CNKSR2: variants seen among roughly 807,000 people sequenced by gnomAD.
The protein encoded by CNKSR2 is CNK homolog protein 2.
Under a neutral mutation model 84.4 loss-of-function variants are expected in CNKSR2, and 14 were observed. The ratio of observed to expected loss-of-function variants is 0.17; its 90% CI spans 0.11 to 0.26. The LOEUF is 0.26. Ranked by LOEUF, CNKSR2 falls within the 10% of genes least tolerant of loss-of-function variation. CNKSR2 has a pLI of 1.00. For missense variants in CNKSR2, 485 were observed against 771.2 expected (o/e 0.63, Z 4.40); for synonymous variants, 275 against 277.9 (o/e 0.99, Z 0.10).
intron 13 of CNKSR2, among the ~76,000 whole-genome samples, chrX:21,576,375 G>A (rs975611681): frequency 9.0e-6 from 1 of 111,503 alleles, no homozygotes; most frequent in African/African-American, 3.3e-5. Context: ...AAAATAAAAA[G>A]CATATGCTTA....
At position 21,411,297 on chromosome X, in the gene CNKSR2, C is replaced by T. The variant is rs140123826; in HGVS notation, c.65-15200C>T. Among the ~76,000 whole-genome samples, 575 of 110,688 alleles carry T rather than the reference C, an allele frequency of 5.2e-3. 4 individuals are homozygous for T. Among genetic ancestry groups the T allele is most frequent in the African/African-American group, 0.018 (557 of 30,451 alleles). ...TAGATCTTTTCCTTAACTTCCCTTA[C>T]TAAGAGGAGAGTAAGAGGAATTTTA... On this transcript the variant is annotated intron_variant, in intron 1 of 21. Coordinates refer to ENST00000379510, the MANE Select transcript of CNKSR2 (RefSeq NM_014927.5).
chrX:21,588,642 A>G (rs1354804724), intron 13 of CNKSR2, among the ~76,000 whole-genome samples: 2 of 111,938 alleles, frequency 1.8e-5, no homozygotes, highest in Admixed American at 1.9e-4. Context: ...ATTTATAGGA[A>G]AAGAAAAGAT....
At chrX:21,575,385 C>T (rs963340756) in intron 13 of CNKSR2, among the ~76,000 whole-genome samples, 6 of 110,274 alleles carry the variant, frequency 5.4e-5, no homozygotes, top group East Asian at 2.8e-4. Flanking sequence ...TCTCATTCAC[C>T]GCAAACTGGT....
At chrX:21,608,662 C>A (rs1259532418) in intron 19 of CNKSR2, among the ~76,000 whole-genome samples, 1 of 111,375 alleles carries the variant, frequency 9.0e-6, no homozygotes, top group Non-Finnish European at 1.9e-5. Context: ...CCAAAAGACT[C>A]TCTCCTAGTC....
intron 11 of CNKSR2, among the ~76,000 whole-genome samples, chrX:21,539,103 C>G (rs868376032): frequency 2.7e-5 from 3 of 112,668 alleles, no homozygotes; most frequent in Non-Finnish European, 3.8e-5. Flanking sequence ...TGCCTTTGCC[C>G]ATTTAATTTA....
intron 11 of CNKSR2, among the ~76,000 whole-genome samples, chrX:21,561,194 A>C (rs761957686): frequency 3.7e-5 from 4 of 109,307 alleles, no homozygotes; most frequent in South Asian, 4.0e-4. Flanking sequence ...AAAAAAAAAA[A>C]AAAAAACTAT....
At chrX:21,397,858 T>C (rs1300461316) in intron 1 of CNKSR2, among the ~76,000 whole-genome samples, 7 of 111,850 alleles carry the variant, frequency 6.3e-5, no homozygotes, top group Non-Finnish European at 1.3e-4. Context: ...CTGTAGCCCA[T>C]AAATATGCAC....
chrX:21,401,306 T>TA (rs921906544), intron 1 of CNKSR2, among the ~76,000 whole-genome samples: 17 of 111,282 alleles, frequency 1.5e-4, no homozygotes, highest in Non-Finnish European at 2.5e-4. Context: ...GTTATGTGGT[T>TA]AAAAAAAATC....
chrX:21,500,409 C>T (rs913866098), intron 7 of CNKSR2, among the ~76,000 whole-genome samples: 1 of 111,224 alleles, frequency 9.0e-6, no homozygotes, highest in Non-Finnish European at 1.9e-5. Flanking sequence ...TAGCATTGTA[C>T]TTTGCAGATT....
intron 4 of CNKSR2, among the ~76,000 whole-genome samples, chrX:21,468,384 C>G (rs1601827930): frequency 1.8e-5 from 2 of 111,177 alleles, no homozygotes; most frequent in African/African-American, 6.5e-5. Context: ...GTGTTTCCAT[C>G]CATTGCAGTT....
At position 21,590,836 on chromosome X, in the gene CNKSR2, T is replaced by C. The variant is rs1414717881; in HGVS notation, c.1658-186T>C. 8.7e-6 allele frequency: 4 copies of C among 457,788 alleles called. No individual in the cohort carries two copies. The African/African-American group carries it at 9.8e-5, about 11-fold the overall frequency. The allele number at this position is 457,788 out of a possible 1,213,427, so 37.7% of individuals were successfully genotyped here. A position where few individuals can be genotyped will look rare whatever the true frequency, so the allele number is the denominator to read the frequency against. On this transcript the variant is annotated intron_variant, in intron 14 of 21. Transcript: ENST00000379510. The stretch of plus-strand genomic sequence containing the variant: ...AATAAGTTTTGAGAGTGGTGTTACA[T>C]ATTTCTGATTAAGATGTGTGTCACT...
chrX:21,539,753 A>C (rs1419415028), intron 11 of CNKSR2, among the ~76,000 whole-genome samples: 1 of 110,584 alleles, frequency 9.0e-6, no homozygotes, highest in East Asian at 2.8e-4. Flanking sequence ...TCTCCATATG[A>C]TATCTTTGTC....
intron 4 of CNKSR2, among the ~76,000 whole-genome samples, chrX:21,469,768 CG>C (rs2091175112): frequency 9.1e-6 from 1 of 109,673 alleles, no homozygotes; most frequent in African/African-American, 3.3e-5. Context: ...AAAAATTAGC[CG>C]GGCATGGTGG....
At chrX:21,473,545 G>A (rs2091223346) in intron 5 of CNKSR2, among the ~76,000 whole-genome samples, 1 of 108,094 alleles carries the variant, frequency 9.3e-6, no homozygotes, top group African/African-American at 3.4e-5. Flanking sequence ...ATCTCGGTGA[G>A]CTGAATCAAG....
At chrX:21,507,082 A>G (rs2091620506) in intron 8 of CNKSR2, among the ~76,000 whole-genome samples, 1 of 109,662 alleles carries the variant, frequency 9.1e-6, no homozygotes, top group Non-Finnish European at 1.9e-5. Context: ...CAATCAGTAG[A>G]TAACATTTAA....
intron 5 of CNKSR2, among the ~76,000 whole-genome samples, chrX:21,487,391 G>T (rs1452065674): frequency 8.9e-6 from 1 of 111,880 alleles, no homozygotes. Flanking sequence ...ATGAGGCCTT[G>T]AATGTTGTAA....
At chrX:21,607,417 A>G (rs1025950848) in intron 19 of CNKSR2, among the ~76,000 whole-genome samples, 1 of 111,539 alleles carries the variant, frequency 9.0e-6, no homozygotes, top group African/African-American at 3.3e-5. Context: ...AATAGGGTAA[A>G]CAGCTGGTTT....
chrX:21,650,851 G>T (rs1391846513), intron 21 of CNKSR2, among the ~76,000 whole-genome samples: 2 of 111,859 alleles, frequency 1.8e-5, no homozygotes, highest in Non-Finnish European at 3.8e-5. Flanking sequence ...ATGGACTTTT[G>T]GGAAGAGCAG....
chrX:21,594,133 A>T (rs1315440998), intron 15 of CNKSR2: 1 of 112,379 alleles, frequency 8.9e-6, no homozygotes, highest in African/African-American at 3.2e-5. Flanking sequence ...ATGGAATACT[A>T]CGCAGCCATA....
Sources: allele counts gnomAD v4.1 joint callset (sites outside exome capture counted in the v4.1 genomes callset), GRCh38; gene constraint gnomAD v4.1.1; transcripts MANE v1.5; gene names NCBI Gene and HGNC (gene_info 2026-07-23, HGNC 2026-07-21).